PEAR1: variants seen among roughly 807,000 people sequenced by gnomAD.
PEAR1 encodes platelet endothelial aggregation receptor 1.
PEAR1 carries 113 observed loss-of-function variants against 131.2 expected under a neutral mutation model. The observed-to-expected ratio is 0.86, with a 90% CI of 0.74 to 1.01. The LOEUF (loss-of-function observed/expected upper bound fraction) is 1.01. Among genes scored for constraint, PEAR1 ranks in the 50% least tolerant of loss-of-function variants. The pLI is 0.00. For synonymous variants in PEAR1, 565 were observed against 523.3 expected (o/e 1.08, Z -1.09); for missense variants, 1,408 against 1,391.1 (o/e 1.01, Z -0.19).
chr1:156,909,611 C>A, intron 11 of PEAR1, 140 bp from the exon 12 acceptor site: 1 of 936,158 alleles, frequency 1.1e-6, no homozygotes, highest in Non-Finnish European at 1.6e-6. Context: ...AACTCATAAG[C>A]TTTTCTCCTG....
chr1:156,903,906 G>T lies in PEAR1; in HGVS notation c.-9-12G>T. The T allele has an allele frequency of 6.2e-7, 1 of 1,608,002 alleles. No homozygotes were observed. Among genetic ancestry groups the T allele is most frequent in the Non-Finnish European group, 8.5e-7 (1 of 1,175,364 alleles). ...CAGCGCCACTGCCCACTCTGCGCCG[G>T]TCTTGCTGCAGGCCTCTGCAATGTC... On this transcript the variant is annotated splice_polypyrimidine_tract_variant and intron_variant, in intron 1 of 22. Transcript: ENST00000292357.
rs1651381318 is a variant in PEAR1 at position 156,912,816 on chromosome 1, T to A, written c.2256T>A (p.Tyr752Ter). ...TGATGCCGACCACTCCAGTAGCGTA[T>A]AACTCGCTGGGTGCAGTGATTGGCA... ...FTVMPTTPVA[Y>*]NSLGAVIGIA... The change falls in exon 18 of 23, where the codon TAT becomes TAA. Residue 752 changes from tyrosine to a stop codon, truncating the protein, a stop_gained. Coordinates refer to ENST00000292357, the MANE Select transcript of PEAR1 (RefSeq NM_001080471.3). LOFTEE classifies it high-confidence loss of function. 1.9e-6 allele frequency: 3 copies of A among 1,614,102 alleles called. No individual in the cohort carries two copies. The highest frequency in any genetic ancestry group is 2.7e-5 in the African/African-American group (2 of 74,938).
chr1:156,911,272 T>A (rs1046875852), intron 15 of PEAR1, among the ~76,000 whole-genome samples: 1 of 142,400 alleles, frequency 7.0e-6, no homozygotes, highest in African/African-American at 2.8e-5. Context: ...TCTCCCTCCC[T>A]CTCTCTTTCT....
rs773011869 is a variant in PEAR1, at chr1:156,909,994, T to C, written c.1576-12T>C. On this transcript the variant is annotated splice_polypyrimidine_tract_variant and intron_variant, in intron 12 of 22. Coordinates refer to ENST00000292357, the MANE Select transcript of PEAR1 (RefSeq NM_001080471.3). The stretch of plus-strand genomic sequence containing the variant: ...GCTGACTGGCCTACCTGCTCCCCAC[T>C]CCTTCTCCAAGAAGGGGCAGTTTGG... 11 of 1,613,264 alleles carry C rather than the reference T, an allele frequency of 6.8e-6. No homozygotes were observed. Among genetic ancestry groups the C allele is most frequent in the Non-Finnish European group, 9.3e-6 (11 of 1,179,998 alleles).
At chr1:156,905,527 T>A in intron 4 of PEAR1, 103 bp downstream of exon 4, 1 of 1,057,638 alleles carries the variant, frequency 9.5e-7, no homozygotes, top group East Asian at 2.7e-5. Flanking sequence ...ATGGGGTTAC[T>A]CCTCTGCCCT....
intron 1 of PEAR1, among the ~76,000 whole-genome samples, chr1:156,894,247 A>T (rs1200604678): frequency 6.6e-6 from 1 of 152,158 alleles, no homozygotes; most frequent in East Asian, 1.9e-4. Context: ...TGGAGCCAAG[A>T]CTGCCTAAGT....
At chr1:156,906,018 G>T (rs1327537215) in intron 4 of PEAR1, among the ~76,000 whole-genome samples, 1 of 152,150 alleles carries the variant, frequency 6.6e-6, no homozygotes, top group Admixed American at 6.5e-5. Context: ...GTCCCCTTTT[G>T]AGGATCTCCC....
chr1:156,904,704 GCCT>G (rs762705868), intron 2 of PEAR1, 41 bp from the exon 3 acceptor site: 24 of 1,552,678 alleles, frequency 1.5e-5, no homozygotes, highest in Admixed American at 1.9e-5. Flanking sequence ...GGCCGCTCAG[GCCT>G]CCTCCTGCCC....
chr1:156,910,410 C>T, intron 14 of PEAR1, 30 bp downstream of exon 14: 1 of 1,564,202 alleles, frequency 6.4e-7, no homozygotes, highest in South Asian at 1.2e-5. Flanking sequence ...CTTCCACCTG[C>T]CACCAGCAGG....
At position 156,902,163 on chromosome 1, in the gene PEAR1, G is replaced by A. The variant is rs576116853; in HGVS notation, c.-9-1755G>A. 4.8e-4 allele frequency: 73 copies of A among 152,594 alleles called. No homozygotes were observed. Among genetic ancestry groups the A allele is most frequent in the Non-Finnish European group, 7.0e-4 (48 of 68,238 alleles). The allele number at this position is 152,594 out of a possible 1,614,324, so 9.5% of individuals were successfully genotyped here. A position where few individuals can be genotyped will look rare whatever the true frequency, so the allele number is the denominator to read the frequency against. On this transcript the variant is annotated intron_variant, in intron 1 of 22. Coordinates refer to ENST00000292357, the MANE Select transcript of PEAR1 (RefSeq NM_001080471.3). This position sits in a 1 kb window ranked among gnomAD's most constrained non-coding sequence, Gnocchi z 4.3. ...ACGCTCCCTGCTGTCCCCCTTCCTA[G>A]CCAGGCTCTGTTTCCTGTTTTCAGG...
At chr1:156,913,631 A>G in intron 20 of PEAR1, 61 bp from the exon 21 acceptor site, 1 of 1,600,382 alleles carries the variant, frequency 6.2e-7, no homozygotes, top group Non-Finnish European at 8.5e-7. Context: ...CCATTTCTAG[A>G]GGAAGTGTGA....
chr1:156,905,212 C>A (rs1466274857), intron 3 of PEAR1, 112 bp from the exon 4 acceptor site: 15 of 1,193,842 alleles, frequency 1.3e-5, no homozygotes, highest in African/African-American at 3.0e-5. Context: ...GCTTTCTATG[C>A]GCCCTCAGCC....
rs1194080628 is a variant in PEAR1, at chr1:156,909,737, G to T, written c.1412-14G>T. ...AATGGGTCCCCATACCTACCTACCA[G>T]GCCCCTCCTCCAGGTTGGCAGCGTG... On this transcript the variant is annotated splice_polypyrimidine_tract_variant and intron_variant, in intron 11 of 22. Transcript: ENST00000292357. The T allele has an allele frequency of 3.8e-6, 6 of 1,587,682 alleles. No homozygotes were observed. In the South Asian group the frequency reaches 6.9e-5, roughly 18 times the overall value.
Position 156,913,214 on chromosome 1 carries a change from CACT to C in PEAR1, c.2450_2452del (p.Tyr817del). Reference sequence around the variant, plus strand: ...TGCAGATGTCCCTCCGAGCTACAGTCACTACTACTCCAACCCCAGCTACCACAC... The same window carrying C: ...TGCAGATGTCCCTCCGAGCTACAGTCACTACTCCAACCCCAGCTACCACAC... On this transcript the variant is annotated inframe_deletion, in exon 19 of 23. Transcript: ENST00000292357. The C allele has an allele frequency of 6.2e-7, 1 of 1,613,780 alleles. No individual in the cohort carries two copies. The highest frequency in any genetic ancestry group is 8.5e-7 in the Non-Finnish European group (1 of 1,179,872).
intron 1 of PEAR1, among the ~76,000 whole-genome samples, chr1:156,898,218 A>G (rs1649349126): frequency 1.3e-5 from 2 of 152,156 alleles, no homozygotes; most frequent in Admixed American, 1.3e-4. Context: ...TGGCACTGGC[A>G]ACACCCTCTG....
intron 20 of PEAR1, 34 bp from the exon 21 acceptor site, chr1:156,913,658 G>C: frequency 6.2e-7 from 1 of 1,609,862 alleles, no homozygotes; most frequent in Non-Finnish European, 8.5e-7. Context: ...GGAGGGGACA[G>C]AGGGCTGATT....
intron 11 of PEAR1, 146 bp from the exon 12 acceptor site, chr1:156,909,605 C>T: frequency 1.1e-6 from 1 of 895,758 alleles, no homozygotes; most frequent in South Asian, 1.9e-5. Flanking sequence ...TCAAATAACT[C>T]ATAAGCTTTT....
Position 156,905,090 on chromosome 1 carries a change from G to A in PEAR1, c.207-234G>A, listed in dbSNP as rs6684500. On this transcript the variant is annotated intron_variant, in intron 3 of 22. Coordinates refer to ENST00000292357, the MANE Select transcript of PEAR1 (RefSeq NM_001080471.3). The stretch of plus-strand genomic sequence containing the variant: ...GTATATGCCTGTGGGGTTGGGGGGG[G>A]GGCAAGAAGGGAATGCTCTTTCTTT... 87 of 1,283,118 alleles carry A rather than the reference G, an allele frequency of 6.8e-5. 1 individual carries two copies. The highest frequency in any genetic ancestry group is 6.4e-4 in the South Asian group (50 of 77,770). 79.5% of individuals were successfully genotyped at this position (1,283,118 alleles called of 1,614,324 possible). A position where few individuals can be genotyped will look rare whatever the true frequency, so the allele number is the denominator to read the frequency against.
In PEAR1 at chr1:156,914,996, C is replaced by A; in HGVS notation, c.*198C>A. On this transcript the variant is annotated 3_prime_UTR_variant, in exon 23 of 23. Coordinates refer to ENST00000292357, the MANE Select transcript of PEAR1 (RefSeq NM_001080471.3). ...AGACGCTGATCAGCAGGATGCCTGG[C>A]TCCCTTTCCCAACCCACTGCTCCCA... The A allele has an allele frequency of 1.7e-6, 1 of 603,036 alleles. No individual in the cohort carries two copies. Among genetic ancestry groups the A allele is most frequent in the Non-Finnish European group, 2.7e-6 (1 of 371,228 alleles). 37.4% of individuals were successfully genotyped at this position (603,036 alleles called of 1,614,324 possible). A position where few individuals can be genotyped will look rare whatever the true frequency, so the allele number is the denominator to read the frequency against.
Sources: gnomAD v4.1 joint callset for allele counts (sites outside exome capture counted in the v4.1 genomes callset) on GRCh38, gnomAD v4.1.1 for gene constraint, Gnocchi (gnomAD v3.1) non-coding constraint, MANE v1.5 for transcripts, NCBI Gene and HGNC (gene_info 2026-07-23, HGNC 2026-07-21) for gene names.